The following P4HA1 variants were observed in gnomAD, a reference collection of about 807,000 sequenced individuals.
P4HA1 encodes prolyl 4-hydroxylase subunit alpha-1.
P4HA1 carries 24 observed loss-of-function variants against 72.8 expected under a neutral mutation model. The ratio of observed to expected loss-of-function variants is 0.33; its 90% confidence interval spans 0.24 to 0.46. The LOEUF is 0.46. P4HA1 is among the 20% of genes least tolerant of loss of function. The probability of loss-of-function intolerance (pLI) is 1.00; values close to 1 mark genes in which losing one functional copy is unlikely to be tolerated. For synonymous variants in P4HA1, 201 were observed against 218.8 expected, an observed-to-expected ratio of 0.92 and a Z score of 0.72; for missense variants, 446 against 640.6, an observed-to-expected ratio of 0.70 and a Z score of 3.28.
intron 7 of P4HA1, among the ~76,000 whole-genome samples, chr10:73,048,723 G>C (rs1483822690): frequency 2.0e-5 from 3 of 152,156 alleles, no homozygotes; most frequent in Admixed American, 2.0e-4. Flanking sequence ...TTGAACACTA[G>C]ATATTTGATA....
At chr10:73,036,144 G>A (rs1418744101) in intron 9 of P4HA1, among the ~76,000 whole-genome samples, 2 of 146,678 alleles carry the variant, frequency 1.4e-5, no homozygotes, top group Non-Finnish European at 3.0e-5. Flanking sequence ...CCGAGATCAC[G>A]CCATTGCACT....
chr10:73,054,861 A>T (rs568016727), intron 5 of P4HA1, among the ~76,000 whole-genome samples: 3 of 152,104 alleles, frequency 2.0e-5, no homozygotes, highest in African/African-American at 7.2e-5. Context: ...TGTTGGGCCT[A>T]TTATCGTGTG....
At chr10:73,089,394 T>C (rs1841982280) in intron 1 of P4HA1, among the ~76,000 whole-genome samples, 2 of 152,140 alleles carry the variant, frequency 1.3e-5, no homozygotes, top group Non-Finnish European at 1.5e-5. Flanking sequence ...AAGCACACTG[T>C]TTAAAGAATG....
chr10:73,009,288 T>C (rs1274185991), intron 14 of P4HA1, among the ~76,000 whole-genome samples: 2 of 146,336 alleles, frequency 1.4e-5, no homozygotes, highest in Admixed American at 6.7e-5. Flanking sequence ...AAAAATGTGG[T>C]CCTGCACTTG....
chr10:73,028,767 A>G (rs1020134113), intron 10 of P4HA1, among the ~76,000 whole-genome samples: 1 of 150,584 alleles, frequency 6.6e-6, no homozygotes, highest in African/African-American at 2.4e-5. Context: ...AAAAGAGGCC[A>G]GACACAGTGG....
chr10:73,009,657 T>C lies in P4HA1; in HGVS notation c.1534+150A>G, dbSNP rs1839869578. 3 of 499,662 alleles carry C rather than the reference T, an allele frequency of 6.0e-6. No homozygotes were observed. The South Asian group carries it at 1.1e-4, about 18-fold the overall frequency. The allele number at this position is 499,662 out of a possible 1,614,324, so 31.0% of individuals were successfully genotyped here. On this transcript the variant is annotated intron_variant, in intron 14 of 14. Transcript: ENST00000394890. ...TCAAAATTCTGATTTCAAATTTGTA[T>C]TATGATTAGGCACTTGTTTGGCTGA...
Position 73,080,962 on chromosome 10 carries a change from T to C in P4HA1, c.-32-6047A>G, listed in dbSNP as rs527576355. ...AACAAAACAAACAATGGTTTCCTTA[T>C]GGTGTCTCACTTCTATTTATTCTAC... On this transcript the variant is annotated intron_variant, in intron 1 of 14. Coordinates refer to ENST00000394890, the MANE Select transcript of P4HA1 (RefSeq NM_001017962.3). Among the ~76,000 whole-genome samples, 19 of 152,256 alleles carry C rather than the reference T, an allele frequency of 1.2e-4. No individual in the cohort carries two copies. The South Asian group carries it at 3.9e-3, about 32-fold the overall frequency.
chr10:73,085,910 T>C (rs899209638), intron 1 of P4HA1, among the ~76,000 whole-genome samples: 1 of 152,158 alleles, frequency 6.6e-6, no homozygotes, highest in Non-Finnish European at 1.5e-5. Flanking sequence ...GGAGGATCAC[T>C]GGAGTCTAGG....
chr10:73,029,335 AGGAG>A (rs1271897402), intron 10 of P4HA1, among the ~76,000 whole-genome samples: 2 of 150,852 alleles, frequency 1.3e-5, no homozygotes, highest in Non-Finnish European at 2.9e-5. Flanking sequence ...CGCTTGAACC[AGGAG>A]ACAGGGGTTG....
chr10:73,091,095 A>G (rs1842020979), intron 1 of P4HA1, among the ~76,000 whole-genome samples: 1 of 150,836 alleles, frequency 6.6e-6, no homozygotes, highest in Admixed American at 6.6e-5. Context: ...GAAGTAACTA[A>G]ATTTTGAAAT....
intron 10 of P4HA1, among the ~76,000 whole-genome samples, chr10:73,024,524 C>T (rs1840218727): frequency 6.6e-6 from 1 of 152,072 alleles, no homozygotes; most frequent in South Asian, 2.1e-4. Flanking sequence ...ACTAAATGCC[C>T]ACAAGAGAAA....
At chr10:73,092,559 T>C (rs940792114) in intron 1 of P4HA1, among the ~76,000 whole-genome samples, 30 of 150,634 alleles carry the variant, frequency 2.0e-4, no homozygotes, top group African/African-American at 7.0e-4. Flanking sequence ...GGTCTCACTA[T>C]GCTGACCAGG....
chr10:73,082,766 C>A (rs1012662109), intron 1 of P4HA1, among the ~76,000 whole-genome samples: 1 of 152,126 alleles, frequency 6.6e-6, no homozygotes, highest in Non-Finnish European at 1.5e-5. Flanking sequence ...CTGTTTCAGA[C>A]TTTTAATGTT....
At chr10:73,009,927 TC>T in intron 13 of P4HA1, 24 bp from the exon 14 acceptor site, 1 of 1,278,328 alleles carries the variant, frequency 7.8e-7, no homozygotes. Flanking sequence ...TTCACAATTA[TC>T]CCCAAGTATA....
chr10:73,028,985 C>A (rs934552843), intron 10 of P4HA1, among the ~76,000 whole-genome samples: 3 of 150,910 alleles, frequency 2.0e-5, no homozygotes, highest in Non-Finnish European at 1.5e-5. Flanking sequence ...GCAGAGGTCG[C>A]ACTGATCCAA....
chr10:73,060,249 A>G (rs1841281995), intron 5 of P4HA1, among the ~76,000 whole-genome samples: 1 of 152,192 alleles, frequency 6.6e-6, no homozygotes, highest in East Asian at 1.9e-4. Flanking sequence ...ATCCTTAGGA[A>G]CCAAATTTTC....
chr10:73,073,440 T>C (rs12255146), intron 3 of P4HA1, among the ~76,000 whole-genome samples: 24,233 of 151,604 alleles, frequency 0.16, 3,211 homozygotes, highest in African/African-American at 0.34. Flanking sequence ...AGGCTGGTCT[T>C]GAACTCCTGG....
At chr10:73,095,130 T>TTTTATTAAAC (rs1564641445) in intron 1 of P4HA1, among the ~76,000 whole-genome samples, 3 of 151,484 alleles carry the variant, frequency 2.0e-5, no homozygotes, top group Admixed American at 6.6e-5. Context: ...TGACTATGAA[T>TTTTATTAAAC]TTTATTAAAG....
At chr10:73,032,194 C>T (rs973885077) in intron 9 of P4HA1, among the ~76,000 whole-genome samples, 7 of 152,160 alleles carry the variant, frequency 4.6e-5, no homozygotes, top group Non-Finnish European at 1.0e-4. Flanking sequence ...CAAATAAACG[C>T]CTTTACAATT....
Sources: allele counts gnomAD v4.1 joint callset (sites outside exome capture counted in the v4.1 genomes callset), GRCh38; gene constraint gnomAD v4.1.1; transcripts MANE v1.5; gene names NCBI Gene and HGNC (gene_info 2026-07-23, HGNC 2026-07-21).